PARD3: variants seen among roughly 807,000 people sequenced by gnomAD.
PARD3 encodes the protein partitioning defective 3 homolog.
A neutral mutation model predicts 155.4 loss-of-function variants in PARD3; 75 were observed. The ratio of observed to expected loss-of-function variants is 0.48; its 90% CI spans 0.40 to 0.58. The LOEUF is 0.58. Among genes scored for constraint, PARD3 ranks in the 20% least tolerant of loss-of-function variants. PARD3 has a pLI of 0.00. For missense variants in PARD3, 1,642 were observed against 1,721.7 expected (o/e 0.95, Z 0.82); for synonymous variants, 576 against 610.5 (o/e 0.94, Z 0.83).
intron 21 of PARD3, among the ~76,000 whole-genome samples, chr10:34,271,631 T>C (rs1305575101): frequency 6.6e-6 from 1 of 152,176 alleles, no homozygotes; most frequent in Non-Finnish European, 1.5e-5. Context: ...TTCCCTATGA[T>C]AAAGTAAGGA....
intron 20 of PARD3, among the ~76,000 whole-genome samples, chr10:34,303,784 G>C (rs1441294001): frequency 2.6e-5 from 4 of 152,166 alleles, no homozygotes; most frequent in African/African-American, 9.7e-5. Context: ...TCAGGCAATT[G>C]TGAGCTGGGC....
chr10:34,160,620 C>T (rs923404713), intron 22 of PARD3, among the ~76,000 whole-genome samples: 4 of 152,144 alleles, frequency 2.6e-5, no homozygotes, highest in Non-Finnish European at 5.9e-5. Flanking sequence ...CAGAGATTGC[C>T]TTTAAAAGGT....
chr10:34,207,061 G>A (rs1237355403), intron 22 of PARD3, among the ~76,000 whole-genome samples: 1 of 152,172 alleles, frequency 6.6e-6, no homozygotes, highest in Non-Finnish European at 1.5e-5. Context: ...GGTGTGTGCT[G>A]GCACACAGGT....
chr10:34,276,263 G>A (rs1955874479), intron 21 of PARD3, among the ~76,000 whole-genome samples: 1 of 151,498 alleles, frequency 6.6e-6, no homozygotes, highest in South Asian at 2.1e-4. Flanking sequence ...AAAAAATAAA[G>A]TGTTCCATTA....
intron 1 of PARD3, among the ~76,000 whole-genome samples, chr10:34,714,404 GACAA>G (rs1455612389): frequency 4.6e-5 from 7 of 152,130 alleles, no homozygotes; most frequent in African/African-American, 7.2e-5. Context: ...TGGAGCTATG[GACAA>G]ACAGTTATCC....
intron 3 of PARD3, among the ~76,000 whole-genome samples, chr10:34,474,168 G>C (rs1328183439): frequency 6.6e-6 from 1 of 152,130 alleles, no homozygotes; most frequent in African/African-American, 2.4e-5. Context: ...CTGTCAGTCA[G>C]TCACTCAACA....
intron 21 of PARD3, among the ~76,000 whole-genome samples, chr10:34,279,743 A>C (rs1956073096): frequency 6.6e-6 from 1 of 152,180 alleles, no homozygotes; most frequent in Admixed American, 6.5e-5. Context: ...GCAAAATGAC[A>C]CACCAAGAAT....
intron 1 of PARD3, among the ~76,000 whole-genome samples, chr10:34,744,110 T>C (rs1835012512): frequency 1.3e-5 from 2 of 152,160 alleles, no homozygotes; most frequent in Non-Finnish European, 2.9e-5. Context: ...ACTAGACCAG[T>C]CACCACGCTC....
intron 22 of PARD3, among the ~76,000 whole-genome samples, chr10:34,214,632 T>C (rs762301034): frequency 2.0e-5 from 3 of 152,090 alleles, no homozygotes; most frequent in Non-Finnish European, 4.4e-5. Context: ...GCCTGGGCAA[T>C]GTAGCAAGAC....
In PARD3 at chr10:34,401,896, C is replaced by T. The variant is rs755489923; in HGVS notation, c.736G>A (p.Asp246Asn). Residue 246 changes from aspartate to asparagine, a missense_variant, in exon 6 of 25, where the codon GAT (aspartate) becomes AAT (asparagine). Physicochemically the swap from Asp to Asn is conservative, Grantham distance 23. Around this residue, in one of 3 missense-constraint regions of PARD3, gnomAD observed 1,529 missense variants for 1,587.3 expected, o/e 0.96. Transcript: ENST00000374788. ...CCAACAGGTTCAACACGACTGTTAT[C>T]CTCTTCTGTCCCATCCTCATCCTAG... The part of the protein sequence containing the change: ...QEQDEDGTEE[D>N]NSRVEPVGHA... The T allele has an allele frequency of 3.6e-5, 58 of 1,613,420 alleles. No homozygotes were observed. The South Asian group carries it at 6.3e-4, about 17-fold the overall frequency.
intron 1 of PARD3, among the ~76,000 whole-genome samples, chr10:34,786,156 T>C (rs1840935572): frequency 6.6e-6 from 1 of 152,258 alleles, no homozygotes; most frequent in Non-Finnish European, 1.5e-5. Context: ...AACTTACTTT[T>C]TCCCTCTCAC....
At chr10:34,385,821 A>C in intron 7 of PARD3, among the ~76,000 whole-genome samples, 1 of 152,314 alleles carries the variant, frequency 6.6e-6, no homozygotes, top group East Asian at 1.9e-4. Context: ...AGAGAACATA[A>C]GATTCAGCAG....
At chr10:34,353,627 CAT>C (rs1380603768) in intron 14 of PARD3, among the ~76,000 whole-genome samples, 2 of 152,128 alleles carry the variant, frequency 1.3e-5, no homozygotes, top group Non-Finnish European at 2.9e-5. Context: ...CCCTTGTTCA[CAT>C]GTTTATCTGC....
chr10:34,156,299 A>G (rs909183668), intron 22 of PARD3, among the ~76,000 whole-genome samples: 6 of 152,006 alleles, frequency 3.9e-5, no homozygotes, highest in Middle Eastern at 3.2e-3. Flanking sequence ...GTCTTGTTAT[A>G]TTGTCCAGGC....
rs116346088 is a variant in PARD3 at position 34,375,952 on chromosome 10, G to A, written c.1540-950C>T. On this transcript the variant is annotated intron_variant, in intron 10 of 24. Transcript: ENST00000374788. ...ACTCTTACAAAATAAAACAAGCTAC[G>A]ACTGCACACATGGGCTAATATACCA... Among the ~76,000 whole-genome samples the A allele has an allele frequency of 4.3e-3, 655 of 152,124 alleles. 3 individuals are homozygous for A. Among genetic ancestry groups the A allele is most frequent in the African/African-American group, 0.015 (625 of 41,504 alleles).
chr10:34,766,617 C>CAAAAAAA (rs34958448), intron 1 of PARD3, among the ~76,000 whole-genome samples: 1 of 81,786 alleles, frequency 1.2e-5, no homozygotes, highest in Non-Finnish European at 2.4e-5. Context: ...ACTTAATTGA[C>CAAAAAAA]AAAAAAAAAA....
At position 34,604,792 on chromosome 10, in the gene PARD3, G is replaced by A. The variant is rs78947255; in HGVS notation, c.223-87633C>T. Among the ~76,000 whole-genome samples, 1,397 of 151,958 alleles carry A rather than the reference G, an allele frequency of 9.2e-3. 14 individuals carry two copies. The highest frequency in any genetic ancestry group is 0.032 in the African/African-American group (1,328 of 41,486). On this transcript the variant is annotated intron_variant, in intron 2 of 24. Transcript: ENST00000374788. ...CTACTGAATGCGAATATACGGCAGA[G>A]ATAAATTCTGACAAAGTCACTGATA...
chr10:34,661,879 A>G (rs2093334582), intron 2 of PARD3, among the ~76,000 whole-genome samples: 1 of 152,196 alleles, frequency 6.6e-6, no homozygotes, highest in Non-Finnish European at 1.5e-5. Context: ...AATGTTAGAT[A>G]AAGGTTCCCA....
chr10:34,297,235 T>C (rs978731227), intron 20 of PARD3, among the ~76,000 whole-genome samples: 2 of 152,078 alleles, frequency 1.3e-5, no homozygotes, highest in African/African-American at 4.8e-5. Context: ...CCCAAGAGTT[T>C]GAGGCTGTGA....
Sources: gnomAD v4.1 joint callset for allele counts (sites outside exome capture counted in the v4.1 genomes callset) on GRCh38, gnomAD v4.1.1 for gene constraint, gnomAD v4.1.1 regional missense constraint, MANE v1.5 for transcripts, NCBI Gene and HGNC (gene_info 2026-07-23, HGNC 2026-07-21) for gene names.